The following SNRPN variants were observed in gnomAD, a reference collection of about 807,000 sequenced individuals.
The protein encoded by SNRPN is small nuclear ribonucleoprotein-associated protein N.
In SNRPN, 7 loss-of-function variants were observed where a neutral mutation model predicts 25.2. That is an observed-to-expected ratio of 0.28 (90% CI 0.16 to 0.52). The LOEUF is 0.52. SNRPN is among the 20% of genes least tolerant of loss of function. The pLI is 0.96. For missense variants in SNRPN, 196 were observed against 322.5 expected, an observed-to-expected ratio of 0.61 and a Z score of 3.00; for synonymous variants, 124 against 110.6, an observed-to-expected ratio of 1.12 and a Z score of -0.76.
At chr15:24,823,640 C>A (rs2049890175), upstream of SNRPN, 1 of 152,258 alleles carries the variant, frequency 6.6e-6, no homozygotes, top group Non-Finnish European at 1.5e-5. Context: ...CTGCTGCAGA[C>A]CACGCCCACC....
chr15:24,834,755 A>ATATCTATC (rs2050895037), intron 2 of SNRPN, among the ~76,000 whole-genome samples: 1 of 35,234 alleles, frequency 2.8e-5, no homozygotes, highest in Non-Finnish European at 5.7e-5. Flanking sequence ...CTCTCTCTAT[A>ATATCTATC]TATATATATA....
At chr15:24,910,567 C>G (rs1291443793) in intron 2 of SNRPN, among the ~76,000 whole-genome samples, 1 of 152,132 alleles carries the variant, frequency 6.6e-6, no homozygotes, top group Admixed American at 6.5e-5. Context: ...TCTCGGCTCA[C>G]TGCAACCTCT....
intron 3 of SNRPN, among the ~76,000 whole-genome samples, chr15:24,930,590 C>CAAAAAAACAAAA (rs2060761401): frequency 1.0e-5 from 1 of 98,354 alleles, no homozygotes. Flanking sequence ...TACAAAAATA[C>CAAAAAAACAAAA]AAAAAAAAAA....
chr15:24,970,688 A>AT (rs2153622734), intron 3 of SNRPN, among the ~76,000 whole-genome samples: 1 of 152,312 alleles, frequency 6.6e-6, no homozygotes, highest in South Asian at 2.1e-4. Context: ...AGGGTGTAAT[A>AT]TTAGTATGAC....
chr15:24,916,372 G>A (rs73354124), intron 2 of SNRPN, among the ~76,000 whole-genome samples: 3 of 152,122 alleles, frequency 2.0e-5, no homozygotes, highest in Admixed American at 2.0e-4. Flanking sequence ...GACAGAAAGA[G>A]AGACAGAGTG....
At position 24,919,326 on chromosome 15, in the gene SNRPN, G is replaced by A. The variant is rs1299584910; in HGVS notation, c.-504-685G>A. On this transcript the variant is annotated intron_variant, in intron 2 of 11. Transcript: ENST00000400097. Reference sequence around the variant, plus strand: ...GGCACCTGTAGTCCCAGCTACTCGGGAGGCTGAGGCAGGAGAATGGCGTGA... The same window carrying A: ...GGCACCTGTAGTCCCAGCTACTCGGAAGGCTGAGGCAGGAGAATGGCGTGA... Among the ~76,000 whole-genome samples the A allele has an allele frequency of 2.0e-5, 3 of 151,518 alleles. No homozygotes were observed. The East Asian group carries it at 5.9e-4, about 30-fold the overall frequency.
intron 3 of SNRPN, among the ~76,000 whole-genome samples, chr15:24,930,968 A>AG (rs2060812120): frequency 6.6e-6 from 1 of 151,648 alleles, no homozygotes; most frequent in South Asian, 2.1e-4. Context: ...CAAGAGGCTG[A>AG]GGTGGGGAGC....
At chr15:24,964,359 C>T (rs2075311057) in intron 2 of SNRPN, among the ~76,000 whole-genome samples, 1 of 151,966 alleles carries the variant, frequency 6.6e-6, no homozygotes, top group African/African-American at 2.4e-5. Context: ...TCTTGTTGCC[C>T]AGGATGGAGT....
At chr15:24,922,750 T>C (rs1482616282) in intron 3 of SNRPN, among the ~76,000 whole-genome samples, 1 of 152,086 alleles carries the variant, frequency 6.6e-6, no homozygotes, top group Non-Finnish European at 1.5e-5. Context: ...GATGGTGTTC[T>C]CTCATTATAT....
intron 1 of SNRPN, among the ~76,000 whole-genome samples, chr15:24,859,595 T>C (rs576730973): frequency 6.6e-6 from 1 of 152,172 alleles, no homozygotes; most frequent in Non-Finnish European, 1.5e-5. Flanking sequence ...TTAATAGATG[T>C]GTTACAGGAA....
intron 3 of SNRPN, among the ~76,000 whole-genome samples, chr15:24,972,734 G>C (rs1267490009): frequency 1.3e-5 from 2 of 151,962 alleles, no homozygotes; most frequent in Non-Finnish European, 2.9e-5. Context: ...ATATTTAATA[G>C]CATTTTATAA....
chr15:24,832,346 T>C lies in SNRPN; in HGVS notation c.-579+2441T>C, dbSNP rs1360345041. Among the ~76,000 whole-genome samples the C allele has an allele frequency of 2.0e-5, 3 of 152,088 alleles. 1 individual carries two copies. Among genetic ancestry groups the C allele is most frequent in the African/African-American group, 7.3e-5 (3 of 41,358 alleles). On this transcript the variant is annotated intron_variant, in intron 2 of 12. Transcript: ENST00000400100. ...TTAATTGGTGCATTTCAACCATTGC[T>C]ACTCAAAGGGATTACTGACATGGTT... is the stretch of plus-strand genomic sequence containing the variant.
intron 4 of SNRPN, 73 bp from the exon 5 acceptor site, chr15:24,975,285 A>G: frequency 1.7e-6 from 2 of 1,191,166 alleles, no homozygotes; most frequent in South Asian, 1.4e-5. Flanking sequence ...GTAAGGGTGG[A>G]GAAGAAACAG....
At chr15:24,974,570 A>G (rs2076845413) in intron 4 of SNRPN, 114 bp downstream of exon 4, 2 of 961,714 alleles carry the variant, frequency 2.1e-6, no homozygotes, top group African/African-American at 1.6e-5. Context: ...GGATACATCC[A>G]TGGATATGGA....
intron 2 of SNRPN, among the ~76,000 whole-genome samples, chr15:24,893,591 C>T (rs1352169288): frequency 6.6e-6 from 1 of 152,106 alleles, no homozygotes; most frequent in Non-Finnish European, 1.5e-5. Flanking sequence ...ACACTCCAGC[C>T]TGGGTGACAG....
rs374810704 is a variant in SNRPN at position 24,977,895 on chromosome 15, G to A, written c.538G>A (p.Gly180Ser). 11 of 1,577,042 alleles carry A rather than the reference G, an allele frequency of 7.0e-6. No homozygotes were observed. The highest frequency in any genetic ancestry group is 1.4e-5 in the African/African-American group (1 of 73,482). Residue 180 changes from glycine to serine, a missense_variant, in exon 8 of 10, where the codon GGC (glycine) becomes AGC (serine). Coordinates refer to ENST00000390687, the MANE Select transcript of SNRPN (RefSeq NM_003097.6). ...ACGGGGCACTCCGCCCCCACCCGTC[G>A]GCAGAGCAACCCCACCTCCAGGTAA... is the stretch of plus-strand genomic sequence containing the variant. ...PGRGTPPPPV[G>S]RATPPPGIMA...
intron 3 of SNRPN, among the ~76,000 whole-genome samples, chr15:24,938,302 A>G (rs532087141): frequency 2.0e-5 from 3 of 151,918 alleles, no homozygotes; most frequent in Admixed American, 1.3e-4. Flanking sequence ...AACTTTTTAT[A>G]TTTTTGGTAG....
At chr15:24,952,496 A>G (rs1242662285), upstream of SNRPN, among the ~76,000 whole-genome samples, 1 of 152,178 alleles carries the variant, frequency 6.6e-6, no homozygotes, top group Non-Finnish European at 1.5e-5. Context: ...AATCAGACCT[A>G]TTATTAACTA....
At chr15:24,968,120 C>A in intron 3 of SNRPN, 38 bp downstream of exon 3, 2 of 1,233,728 alleles carry the variant, frequency 1.6e-6, no homozygotes, top group Non-Finnish European at 2.4e-6. Flanking sequence ...AATAAAGAAT[C>A]ATTAAAGAAT....
Sources: allele counts gnomAD v4.1 joint callset (sites outside exome capture counted in the v4.1 genomes callset), GRCh38; gene constraint gnomAD v4.1.1; transcripts MANE v1.5; gene names NCBI Gene and HGNC (gene_info 2026-07-23, HGNC 2026-07-21).